Variants in PLCB4 observed in about 807,000 individuals in gnomAD.
PLCB4 encodes the protein 1-phosphatidylinositol 4,5-bisphosphate phosphodiesterase beta-4.
In PLCB4, 77 loss-of-function variants were observed where a neutral mutation model predicts 178.8. The observed-to-expected ratio is 0.43, with a 90% CI of 0.36 to 0.52. PLCB4 has a LOEUF of 0.52. PLCB4 is among the 20% of genes least tolerant of loss of function. The pLI, the probability that PLCB4 is intolerant of heterozygous loss-of-function variation, is 0.00. For missense variants in PLCB4, 1,024 were observed against 1,453.4 expected, an observed-to-expected ratio of 0.70 and a Z score of 4.80; for synonymous variants, 496 against 490.8, an observed-to-expected ratio of 1.01 and a Z score of -0.14.
chr20:9,312,374 A>ACC (rs2094845335), intron 4 of PLCB4, among the ~76,000 whole-genome samples: 1 of 150,054 alleles, frequency 6.7e-6, no homozygotes, highest in Non-Finnish European at 1.5e-5. Flanking sequence ...ACACACACAC[A>ACC]CACACACACA....
intron 7 of PLCB4, among the ~76,000 whole-genome samples, chr20:9,341,935 G>A (rs1398723981): frequency 1.3e-5 from 2 of 151,940 alleles, no homozygotes; most frequent in Non-Finnish European, 2.9e-5. Context: ...TCAGCTTCTG[G>A]GAACTATTAC....
intron 28 of PLCB4, among the ~76,000 whole-genome samples, chr20:9,432,386 G>GA (rs2041481114): frequency 6.6e-6 from 1 of 152,078 alleles, no homozygotes; most frequent in Non-Finnish European, 1.5e-5. Flanking sequence ...ACTCTCTTCA[G>GA]GCCCCCAGAC....
chr20:9,219,141 C>T (rs1454388276), intron 3 of PLCB4, among the ~76,000 whole-genome samples: 1 of 152,204 alleles, frequency 6.6e-6, no homozygotes, highest in African/African-American at 2.4e-5. Context: ...AGAAATTCCT[C>T]TACATTAAGG....
intron 4 of PLCB4, among the ~76,000 whole-genome samples, chr20:9,323,489 C>G (rs1568586122): frequency 6.6e-6 from 1 of 152,230 alleles, no homozygotes; most frequent in Non-Finnish European, 1.5e-5. Flanking sequence ...TAAGTACCTA[C>G]TATGATCCAG....
At chr20:9,429,937 C>A (rs1218671850) in intron 28 of PLCB4, among the ~76,000 whole-genome samples, 1 of 152,148 alleles carries the variant, frequency 6.6e-6, no homozygotes, top group Non-Finnish European at 1.5e-5. Context: ...ACCACATGAC[C>A]CAATTAGACA....
At chr20:9,227,815 G>A (rs1287861848) in intron 3 of PLCB4, among the ~76,000 whole-genome samples, 1 of 152,068 alleles carries the variant, frequency 6.6e-6, no homozygotes, top group Admixed American at 6.6e-5. Flanking sequence ...GGCTCCTCTT[G>A]AAGGAAGAGT....
At chr20:9,470,853 T>C (rs1212817572) in intron 36 of PLCB4, among the ~76,000 whole-genome samples, 3 of 152,348 alleles carry the variant, frequency 2.0e-5, no homozygotes, top group African/African-American at 7.2e-5. Flanking sequence ...TATAAGTTTG[T>C]ATCCAGTGGT....
chr20:9,461,421 G>C (rs1181684476), intron 35 of PLCB4, among the ~76,000 whole-genome samples: 7 of 152,332 alleles, frequency 4.6e-5, no homozygotes, highest in African/African-American at 1.7e-4. Context: ...AGTGGGTGCA[G>C]CCCAAGAAGT....
intron 38 of PLCB4, among the ~76,000 whole-genome samples, chr20:9,476,297 T>C (rs1040166901): frequency 6.6e-6 from 1 of 152,212 alleles, no homozygotes; most frequent in African/African-American, 2.4e-5. Flanking sequence ...AGTTTTTTCA[T>C]AGACTTCCCA....
At chr20:9,332,874 TCA>T (rs2031893810) in intron 4 of PLCB4, among the ~76,000 whole-genome samples, 1 of 152,218 alleles carries the variant, frequency 6.6e-6, no homozygotes, top group East Asian at 1.9e-4. Context: ...AATGATTTCT[TCA>T]CAGTGTCAAA....
intron 3 of PLCB4, among the ~76,000 whole-genome samples, chr20:9,295,225 G>A (rs1233198648): frequency 1.3e-5 from 2 of 152,126 alleles, no homozygotes; most frequent in African/African-American, 4.8e-5. Flanking sequence ...GATCAAAAAG[G>A]GCTGAACTCT....
chr20:9,372,416 T>A lies in PLCB4; in HGVS notation c.686+13T>A. On this transcript the variant is annotated intron_variant, in intron 11 of 39. Coordinates refer to ENST00000378473, the MANE Select transcript of PLCB4 (RefSeq NM_001377142.1). ...TTTTCAAAAAAATGTAAGTTCCACT[T>A]ATGAGGAAGTGCCATATAAATATTA... The A allele has an allele frequency of 7.9e-7, 1 of 1,272,522 alleles. No homozygotes were observed. Among genetic ancestry groups the A allele is most frequent in the South Asian group, 1.2e-5 (1 of 81,364 alleles). 78.8% of individuals were successfully genotyped at this position (1,272,522 alleles called of 1,614,324 possible). A position where few individuals can be genotyped will look rare whatever the true frequency, so the allele number is the denominator to read the frequency against.
chr20:9,296,300 A>G (rs1402045075), intron 3 of PLCB4, among the ~76,000 whole-genome samples: 2 of 152,204 alleles, frequency 1.3e-5, no homozygotes, highest in African/African-American at 4.8e-5. Flanking sequence ...AATCAAAACC[A>G]CAATTGAGAT....
At chr20:9,145,693 C>T (rs1190754619) in intron 2 of PLCB4, among the ~76,000 whole-genome samples, 1 of 152,026 alleles carries the variant, frequency 6.6e-6, no homozygotes, top group Non-Finnish European at 1.5e-5. Context: ...TTCACGCACC[C>T]AACCATGCAA....
At chr20:9,077,905 A>G (rs2089946513) in intron 1 of PLCB4, among the ~76,000 whole-genome samples, 1 of 152,254 alleles carries the variant, frequency 6.6e-6, no homozygotes, top group African/African-American at 2.4e-5. Flanking sequence ...AAGAATGAGA[A>G]GATTAGGAGA....
intron 3 of PLCB4, among the ~76,000 whole-genome samples, chr20:9,298,697 T>C (rs975542277): frequency 2.0e-5 from 3 of 152,074 alleles, no homozygotes; most frequent in Admixed American, 6.6e-5. Flanking sequence ...ACCTAATAAA[T>C]TTATAAAGGC....
intron 7 of PLCB4, among the ~76,000 whole-genome samples, chr20:9,357,774 C>T (rs1039004886): frequency 1.1e-4 from 17 of 152,146 alleles, no homozygotes; most frequent in African/African-American, 4.1e-4. Context: ...ATTCTCCAGC[C>T]CCCAGAACTG....
chr20:9,468,598 G>T lies in PLCB4; in HGVS notation c.3276G>T (p.Gln1092His). Residue 1092 changes from glutamine to histidine, a missense_variant, in exon 36 of 40, where the codon CAG becomes CAT. Around this residue, in one of 7 missense-constraint regions of PLCB4, gnomAD observed 264 missense variants for 283.2 expected, o/e 0.93. Coordinates refer to ENST00000378473, the MANE Select transcript of PLCB4 (RefSeq NM_001377142.1). ...DRESKEMRAHQAKISMENSKA... is the reference protein window; with the variant it reads ...DRESKEMRAHHAKISMENSKA... ...AAAGCAAGGAAATGCGAGCACACCA[G>T]GCTAAGATTTCTATGGAAAATAGCA... The T allele has an allele frequency of 6.2e-7, 1 of 1,610,752 alleles. No homozygotes were observed.
intron 2 of PLCB4, among the ~76,000 whole-genome samples, chr20:9,189,783 AG>A (rs1487803475): frequency 6.6e-6 from 1 of 152,160 alleles, no homozygotes; most frequent in Non-Finnish European, 1.5e-5. Flanking sequence ...AGAAGGTAGA[AG>A]GGCAAAAGGA....
Sources: allele counts gnomAD v4.1 joint callset (sites outside exome capture counted in the v4.1 genomes callset), GRCh38; gene constraint gnomAD v4.1.1; regional missense constraint gnomAD v4.1.1; transcripts MANE v1.5; gene names NCBI Gene and HGNC (gene_info 2026-07-23, HGNC 2026-07-21).